Variants in THAP5 observed in about 807,000 individuals in gnomAD.
The protein encoded by THAP5 is THAP domain containing 5.
Under a neutral mutation model 34.0 loss-of-function variants are expected in THAP5, and 26 were observed. That is an observed-to-expected ratio of 0.77 (90% CI 0.56 to 1.06). The LOEUF is 1.06. Among genes scored for constraint, THAP5 ranks in the 50% least tolerant of loss-of-function variants. The pLI is 0.00. For synonymous variants in THAP5, 125 were observed against 153.0 expected, an observed-to-expected ratio of 0.82 and a Z score of 1.35; for missense variants, 394 against 452.8, an observed-to-expected ratio of 0.87 and a Z score of 1.18.
At chr7:108,550,833 C>G (rs1864348725), downstream of THAP5, among the ~76,000 whole-genome samples, 1 of 152,192 alleles carries the variant, frequency 6.6e-6, no homozygotes, top group South Asian at 2.1e-4. Flanking sequence ...AAGGCCCTGT[C>G]TCCAAATACA....
chr7:108,566,613 AC>A (rs1790493131), intron 1 of THAP5, among the ~76,000 whole-genome samples: 1 of 152,216 alleles, frequency 6.6e-6, no homozygotes, highest in African/African-American at 2.4e-5. Context: ...GTCTAATAGT[AC>A]TACACTTCTA....
At chr7:108,569,297 G>C in intron 1 of THAP5, 193 bp downstream of exon 1, 2 of 1,441,056 alleles carry the variant, frequency 1.4e-6, no homozygotes, top group Non-Finnish European at 1.8e-6. Context: ...CCACCAGCCA[G>C]CAGTCCTCGC....
At chr7:108,554,879 T>G (rs1321922013) in intron 1 of THAP5, 1 of 152,150 alleles carries the variant, frequency 6.6e-6, no homozygotes, top group Non-Finnish European at 1.5e-5. Flanking sequence ...CAAAGAGAAA[T>G]AGAGAGATTT....
rs779727669 is a variant in THAP5, at chr7:108,564,275, C to G, written c.1104G>C (p.Gln368His). Residue 368 changes from glutamine to histidine, a missense_variant, in exon 3 of 3, where the codon CAG becomes CAC. Physicochemically the swap from Gln to His is conservative, Grantham distance 24. Transcript: ENST00000415914. ...CAGATAGCCAGTTTTCCTGCTTTAG[C>G]TGCCTTATAAGAGCTTCCAAAGACT... is the stretch of plus-strand genomic sequence containing the variant. The part of the protein sequence containing the change: ...RLKSLEALIR[Q>H]LKQENWLSEE... 1 of 1,613,106 alleles carries G rather than the reference C, an allele frequency of 6.2e-7. No homozygotes were observed. Among genetic ancestry groups the G allele is most frequent in the Non-Finnish European group, 8.5e-7 (1 of 1,179,696 alleles).
intron 1 of THAP5, among the ~76,000 whole-genome samples, chr7:108,555,515 T>A (rs1864379930): frequency 6.6e-6 from 1 of 152,010 alleles, no homozygotes; most frequent in South Asian, 2.1e-4. Context: ...AAAGACAGCA[T>A]AAACTTTAAT....
intron 1 of THAP5, among the ~76,000 whole-genome samples, chr7:108,567,916 A>G (rs1790520530): frequency 6.6e-6 from 1 of 152,232 alleles, no homozygotes; most frequent in South Asian, 2.1e-4. Flanking sequence ...CTAAAAAGTT[A>G]CTGTAAGGTC....
chr7:108,553,385 G>T (rs966669678), downstream of THAP5, among the ~76,000 whole-genome samples: 3 of 152,128 alleles, frequency 2.0e-5, no homozygotes, highest in African/African-American at 7.2e-5. Flanking sequence ...TCTGTCTCTA[G>T]TTCTTAACTT....
chr7:108,545,815 G>T, the THAP5 span, among the ~76,000 whole-genome samples: 5 of 151,882 alleles, frequency 3.3e-5, no homozygotes, highest in Admixed American at 3.3e-4. Context: ...TTTCTGAGTG[G>T]GACCTCAAAT....
At chr7:108,541,944 T>A in the THAP5 span, among the ~76,000 whole-genome samples, 1 of 152,218 alleles carries the variant, frequency 6.6e-6, no homozygotes, top group Non-Finnish European at 1.5e-5. Flanking sequence ...TTTCCTTATA[T>A]GTGAAGATGT....
chr7:108,549,093 C>CACACACACAA, the THAP5 span, among the ~76,000 whole-genome samples: 1 of 91,216 alleles, frequency 1.1e-5, no homozygotes, highest in South Asian at 4.6e-4. Flanking sequence ...GCTTAATACA[C>CACACACACAA]ACACACACAC....
At chr7:108,569,137 C>T (rs1318311557) in intron 1 of THAP5, 3 of 1,096,560 alleles carry the variant, frequency 2.7e-6, no homozygotes, top group Non-Finnish European at 3.3e-6. Flanking sequence ...TGCACCTTTC[C>T]ACTTCGCAGG....
chr7:108,565,218 TA>T, intron 2 of THAP5, 113 bp from the exon 3 acceptor site: 61 of 839,690 alleles, frequency 7.3e-5, no homozygotes, highest in South Asian at 9.2e-5. Context: ...TTTATTTAGT[TA>T]AAAAAAAGCT....
In THAP5 at chr7:108,564,663, C is replaced by G. The variant is rs200941393; in HGVS notation, c.716G>C (p.Ser239Thr). 69 of 1,613,864 alleles carry G rather than the reference C, an allele frequency of 4.3e-5. No individual in the cohort carries two copies. The African/African-American group carries it at 6.9e-4, about 16-fold the overall frequency. ...TSHLANPNFTSNSMEIKSAQE... is the reference protein window; with the variant it reads ...TSHLANPNFTTNSMEIKSAQE... ...TGCTGACTTTATTTCCATGGAATTA[C>G]TTGTAAAGTTTGGATTAGCAAGATG... is the stretch of plus-strand genomic sequence containing the variant. Residue 239 changes from serine (S) to threonine (T), a missense_variant, in exon 3 of 3, where the codon AGT (serine) becomes ACT (threonine). Ser to Thr is a moderately conservative substitution (Grantham distance 58, BLOSUM62 1). Transcript: ENST00000415914.
chr7:108,559,191 C>T (rs1864409367), downstream of THAP5, among the ~76,000 whole-genome samples: 1 of 152,218 alleles, frequency 6.6e-6, no homozygotes, highest in African/African-American at 2.4e-5. Context: ...GTCAATATCA[C>T]AGCCAAAAGC....
At chr7:108,559,936 A>C (rs905815286), downstream of THAP5, among the ~76,000 whole-genome samples, 1 of 152,342 alleles carries the variant, frequency 6.6e-6, no homozygotes, top group East Asian at 1.9e-4. Context: ...AGGTGGGGAC[A>C]CAAAGCCAAA....
intron 1 of THAP5, among the ~76,000 whole-genome samples, chr7:108,567,769 AT>A (rs777669821): frequency 6.6e-6 from 1 of 152,238 alleles, no homozygotes; most frequent in Non-Finnish European, 1.5e-5. Flanking sequence ...CTACTGGAGA[AT>A]AAAACTAATT....
At chr7:108,547,299 T>A in the THAP5 span, among the ~76,000 whole-genome samples, 5 of 152,326 alleles carry the variant, frequency 3.3e-5, no homozygotes, top group East Asian at 9.6e-4. Flanking sequence ...TCATTTAGAC[T>A]AACCAAGGTA....
rs1790561739 is a variant in THAP5, at chr7:108,569,417, A to G, written c.80+73T>C. 5.8e-6 allele frequency: 9 copies of G among 1,548,176 alleles called. No homozygotes were observed. In the South Asian group the frequency reaches 1.1e-4, roughly 18 times the overall value. ...GACTCACTGGCAGAGCGGACAGGAG[A>G]CACCCAAGCCCAAAGGCCACAGGTC... On this transcript the variant is annotated intron_variant, in intron 1 of 2. Coordinates refer to ENST00000415914, the MANE Select transcript of THAP5 (RefSeq NM_001130475.3).
chr7:108,568,597 A>G (rs564293205), intron 1 of THAP5: 1 of 154,876 alleles, frequency 6.5e-6, no homozygotes, highest in East Asian at 1.9e-4. Context: ...AAATGAGCAC[A>G]AAACAACTGC....
Sources: gnomAD v4.1 joint callset for allele counts (sites outside exome capture counted in the v4.1 genomes callset) on GRCh38, gnomAD v4.1.1 for gene constraint, MANE v1.5 for transcripts, NCBI Gene and HGNC (gene_info 2026-07-23, HGNC 2026-07-21) for gene names.